Variants in OASL observed in about 807,000 individuals in gnomAD.
The protein encoded by OASL is 2'-5'-oligoadenylate synthetase like.
In OASL, 28 loss-of-function variants were observed where a neutral mutation model predicts 35.3. The observed-to-expected ratio is 0.79, with a 90% CI of 0.59 to 1.09. OASL has a LOEUF of 1.09. Among genes scored for constraint, OASL ranks in the 50% least tolerant of loss-of-function variants. The pLI is 0.00. For missense variants in OASL, 620 were observed against 635.2 expected (o/e 0.98, Z 0.26); for synonymous variants, 252 against 254.6 (o/e 0.99, Z 0.10).
At chr12:121,017,786 G>A (rs56158042), downstream of OASL, among the ~76,000 whole-genome samples, 41,975 of 152,082 alleles carry the variant, frequency 0.28, 6,267 homozygotes, top group Admixed American at 0.38. Flanking sequence ...GTTTATTCCA[G>A]AATTGCAAGG....
intron 5 of OASL, chr12:121,023,627 GTCCCCCAGCCCACA>G: frequency 5.6e-6 from 1 of 180,108 alleles, no homozygotes; most frequent in South Asian, 1.2e-4. Flanking sequence ...TGCCTGTGTT[GTCCCCCAGCCCACA>G]TCCCCTACCC....
chr12:121,021,863 A>G (rs1012090805), intron 5 of OASL, among the ~76,000 whole-genome samples: 3 of 152,148 alleles, frequency 2.0e-5, no homozygotes, highest in Admixed American at 2.0e-4. Context: ...TGGCATTGCC[A>G]AGTTTTCTGA....
At chr12:121,036,669 T>C (rs1869969718) in intron 1 of OASL, among the ~76,000 whole-genome samples, 2 of 152,014 alleles carry the variant, frequency 1.3e-5, no homozygotes, top group Non-Finnish European at 2.9e-5. Context: ...ACACACACAA[T>C]AAACTTATTC....
chr12:121,022,741 C>T (rs1486310708), intron 5 of OASL, among the ~76,000 whole-genome samples: 1 of 152,178 alleles, frequency 6.6e-6, no homozygotes, highest in Non-Finnish European at 1.5e-5. Context: ...CATCCTTTGT[C>T]CTCTGTTCTG....
In OASL at chr12:121,020,956, G is replaced by A. The variant is rs139160700; in HGVS notation, c.1150C>T (p.Arg384Trp). 2.4e-4 allele frequency: 383 copies of A among 1,614,144 alleles called. 2 individuals carry two copies. The South Asian group carries it at 3.4e-3, about 14-fold the overall frequency. Residue 384 changes from arginine to tryptophan, a missense_variant, in exon 6 of 6, where the codon CGG becomes TGG. Physicochemically the swap from Arg to Trp is moderately radical, Grantham distance 101. Transcript: ENST00000257570. Reference sequence around the variant, plus strand: ...AGGCCAGAGTAGCCCCTGGTCCTCCGGATTTTCTCTTTAACCTTCCTTATG... The same window carrying A: ...AGGCCAGAGTAGCCCCTGGTCCTCCAGATTTTCTCTTTAACCTTCCTTATG...
chr12:121,034,513 G>A (rs1869874803), intron 1 of OASL, among the ~76,000 whole-genome samples: 1 of 152,182 alleles, frequency 6.6e-6, no homozygotes, highest in Admixed American at 6.5e-5. Flanking sequence ...CCAGAGGAAT[G>A]GTAGCATCTA....
chr12:121,026,615 G>T (rs1462525717), intron 4 of OASL, among the ~76,000 whole-genome samples: 2 of 152,212 alleles, frequency 1.3e-5, no homozygotes, highest in Non-Finnish European at 2.9e-5. Flanking sequence ...ACTTTGGGAG[G>T]CCAAGGCAGG....
At chr12:121,025,219 A>T (rs1592933544) in intron 4 of OASL, among the ~76,000 whole-genome samples, 1 of 150,738 alleles carries the variant, frequency 6.6e-6, no homozygotes, top group Admixed American at 6.6e-5. Context: ...CTCGTGATCC[A>T]CCTGCCTTGG....
intron 1 of OASL, among the ~76,000 whole-genome samples, chr12:121,038,333 C>G (rs948723377): frequency 7.2e-5 from 11 of 152,174 alleles, no homozygotes; most frequent in Non-Finnish European, 1.5e-4. Context: ...TTACACCTAA[C>G]AAAATCAACA....
chr12:121,020,387 G>A (rs561983472), exon 6 of OASL: 13 of 649,658 alleles, frequency 2.0e-5, no homozygotes, highest in Admixed American at 3.1e-5. Flanking sequence ...CTCCCACCTC[G>A]GCCTCCCAAA....
At chr12:121,027,615 A>G in exon 4 of OASL, 1 of 1,613,250 alleles carries the variant, frequency 6.2e-7, no homozygotes, top group Non-Finnish European at 8.5e-7. Context: ...ATCCTCAATG[A>G]TTGCATTGTG....
intron 3 of OASL, among the ~76,000 whole-genome samples, chr12:121,029,997 G>T (rs1228236291): frequency 6.6e-6 from 1 of 152,028 alleles, no homozygotes; most frequent in Non-Finnish European, 1.5e-5. Context: ...CTCCTGAGCA[G>T]CTGAGACTAC....
intron 2 of OASL, 53 bp from the exon 3 acceptor site, chr12:121,031,670 TG>T: frequency 6.5e-7 from 1 of 1,532,850 alleles, no homozygotes; most frequent in Non-Finnish European, 9.0e-7. Context: ...AGCCAGAGGG[TG>T]GTAAGTAGTA....
chr12:121,021,703 C>T (rs1869243260), intron 5 of OASL, among the ~76,000 whole-genome samples: 1 of 151,976 alleles, frequency 6.6e-6, no homozygotes, highest in African/African-American at 2.4e-5. Context: ...CCCAGCTACT[C>T]GGAAGGCTGA....
chr12:121,023,596 C>T (rs985592055), intron 5 of OASL: 1 of 162,736 alleles, frequency 6.1e-6, no homozygotes, highest in Non-Finnish European at 1.3e-5. Context: ...GGCCGAGCGT[C>T]GTGGTCATGT....
intron 5 of OASL, among the ~76,000 whole-genome samples, chr12:121,022,440 G>T (rs953175108): frequency 2.0e-5 from 3 of 152,130 alleles, no homozygotes; most frequent in Admixed American, 6.5e-5. Context: ...GGCTGGTCTT[G>T]AACTGTTGGG....
Position 121,038,830 on chromosome 12 carries a change from G to T in OASL, c.142C>A (p.His48Asn), listed in dbSNP as rs1870063074. 1 of 1,614,096 alleles carries T rather than the reference G, an allele frequency of 6.2e-7. No homozygotes were observed. The highest frequency in any genetic ancestry group is 8.5e-7 in the Non-Finnish European group (1 of 1,180,006). Residue 48 changes from histidine (H) to asparagine (N), a missense_variant, in exon 1 of 6, where the codon CAT (histidine) becomes AAT (asparagine). By Grantham distance (68) the His-to-Asn change is moderately conservative. Coordinates refer to ENST00000257570, the Ensembl canonical transcript of OASL. ...TCCAGCCCACGCTTCCCCTGGAAATGCTCCTGCCTCAGAAACTCCTCCACG... is the reference window on the plus strand; with the variant it reads ...TCCAGCCCACGCTTCCCCTGGAAATTCTCCTGCCTCAGAAACTCCTCCACG...
At chr12:121,038,305 A>G (rs1203348022) in intron 1 of OASL, among the ~76,000 whole-genome samples, 1 of 152,186 alleles carries the variant, frequency 6.6e-6, no homozygotes, top group Non-Finnish European at 1.5e-5. Context: ...CAACCTTCTG[A>G]TAACCACAAA....
intron 2 of OASL, 37 bp downstream of exon 2, chr12:121,033,424 C>T: frequency 6.3e-7 from 1 of 1,593,918 alleles, no homozygotes; most frequent in Non-Finnish European, 8.6e-7. Context: ...CTGGGGTGGG[C>T]AAGTGTGTGA....
Sources: gnomAD v4.1 joint callset for allele counts (sites outside exome capture counted in the v4.1 genomes callset) on GRCh38, gnomAD v4.1.1 for gene constraint, MANE v1.5 for transcripts, NCBI Gene and HGNC (gene_info 2026-07-23, HGNC 2026-07-21) for gene names.